QRICH2: variants seen among roughly 807,000 people sequenced by gnomAD.
The protein encoded by QRICH2 is glutamine-rich protein 2.
A neutral mutation model predicts 168.3 loss-of-function variants in QRICH2; 119 were observed. The observed-to-expected ratio is 0.71, with a 90% confidence interval of 0.61 to 0.82. The LOEUF is 0.82. Among genes scored for constraint, QRICH2 ranks in the 40% least tolerant of loss-of-function variants. The pLI is 0.00. For synonymous variants in QRICH2, 894 were observed against 951.2 expected (o/e 0.94, Z 1.11); for missense variants, 2,241 against 2,491.6 (o/e 0.90, Z 2.14).
upstream of QRICH2, chr17:76,308,350 G>A: frequency 4.1e-6 from 4 of 985,436 alleles, no homozygotes; most frequent in Non-Finnish European, 4.8e-6. Flanking sequence ...CGGGGGCGGG[G>A]GGAAGTAAAG....
At chr17:76,277,416 T>C in intron 15 of QRICH2, 106 bp from the exon 16 acceptor site, 1 of 1,357,582 alleles carries the variant, frequency 7.4e-7, no homozygotes, top group Non-Finnish European at 1.0e-6. Context: ...CAGCTTCTCT[T>C]CGGGGGCTGC....
At chr17:76,304,038 A>C (rs1412992205) in intron 3 of QRICH2, among the ~76,000 whole-genome samples, 1 of 152,186 alleles carries the variant, frequency 6.6e-6, no homozygotes, top group Non-Finnish European at 1.5e-5. Context: ...AACTACACTC[A>C]GGTACGATTT....
upstream of QRICH2, among the ~76,000 whole-genome samples, chr17:76,308,780 C>G (rs986449488): frequency 6.6e-6 from 1 of 152,022 alleles, no homozygotes; most frequent in Non-Finnish European, 1.5e-5. Flanking sequence ...GAGTCTTGCT[C>G]TGTCGCCCAG....
Position 76,280,082 on chromosome 17 carries a change from T to G in QRICH2, c.4699A>C (p.Arg1567=). The change falls in exon 12 of 19, where the codon AGG becomes CGG. Residue 1567 remains arginine (R), a synonymous_variant. Transcript: ENST00000680821. This position sits in a 1 kb window ranked among gnomAD's most constrained non-coding sequence, Gnocchi z 7.4. ...GCCTGGTAGAGTGGGGGGCGCTCCC[T>G]GAGCTGCTGTCGCAGCGATTTCCAC... ...DRWKSLRQQL[R]ERPPLYQADE... is the part of the protein sequence containing the mutation. 6.2e-7 allele frequency: 1 copy of G among 1,613,662 alleles called. No homozygotes were observed. The highest frequency in any genetic ancestry group is 8.5e-7 in the Non-Finnish European group (1 of 1,179,988).
intron 6 of QRICH2, 86 bp from the exon 7 acceptor site, chr17:76,287,392 C>T (rs994715834): frequency 8.7e-6 from 8 of 924,422 alleles, no homozygotes; most frequent in African/African-American, 4.9e-5. Context: ...CAGGGGGATG[C>T]AGACACAGCT....
chr17:76,279,330 G>A (rs558938026), intron 13 of QRICH2, 33 bp downstream of exon 13: 2 of 1,587,570 alleles, frequency 1.3e-6, no homozygotes, highest in South Asian at 2.2e-5. Context: ...GCCCTGCCAT[G>A]CGAGGCCACG....
intron 7 of QRICH2, among the ~76,000 whole-genome samples, chr17:76,284,595 G>A (rs1169253258): frequency 6.6e-6 from 1 of 151,730 alleles, no homozygotes; most frequent in Admixed American, 6.6e-5. Flanking sequence ...GAGGCGGGTG[G>A]ATCACGAGGT....
chr17:76,309,227 G>C (rs117711052), upstream of QRICH2, among the ~76,000 whole-genome samples: 3,711 of 150,200 alleles, frequency 0.025, 73 homozygotes, highest in East Asian at 0.06. Context: ...ATGGTACCGC[G>C]CATCTGTAAT....
Position 76,292,662 on chromosome 17 carries a change from C to G in QRICH2, c.2065G>C (p.Gly689Arg), listed in dbSNP as rs2071030594. 4 of 1,614,116 alleles carry G rather than the reference C, an allele frequency of 2.5e-6. No homozygotes were observed. The highest frequency in any genetic ancestry group is 3.4e-6 in the Non-Finnish European group (4 of 1,180,026). The change falls in exon 4 of 19, where the codon GGC (glycine) becomes CGC (arginine). Residue 689 changes from glycine to arginine, a missense_variant. By Grantham distance (125) the Gly-to-Arg change is moderately radical. Transcript: ENST00000680821. ...ALVQPGAYQPGLVQPGADQID... is the reference protein window; with the variant it reads ...ALVQPGAYQPRLVQPGADQID... ...TGATCTGCACCAGGTTGGACCAAGC[C>G]AGGCTGATATGCACCAGGCTGCACC...
At chr17:76,289,967 A>G (rs767340962) in intron 5 of QRICH2, 25 bp downstream of exon 5, 18 of 1,509,982 alleles carry the variant, frequency 1.2e-5, no homozygotes, top group Middle Eastern at 1.8e-4. Flanking sequence ...AAAAAAAAAG[A>G]CAAAGTGGGT....
Position 76,280,651 on chromosome 17 carries a change from C to T in QRICH2, c.4461+3G>A. On this transcript the variant is annotated splice_donor_region_variant and intron_variant, in intron 10 of 18. Coordinates refer to ENST00000680821, the MANE Select transcript of QRICH2 (RefSeq NM_001388453.1). The surrounding 1 kb of genome is among the most constrained non-coding windows in gnomAD (Gnocchi z 7.4). ...AGCGTGGCTCCTGGGGCCTGGCACC[C>T]ACCACATCGATCTCCATCTCCAGGT... 1 of 1,614,146 alleles carries T rather than the reference C, an allele frequency of 6.2e-7. No homozygotes were observed. The highest frequency in any genetic ancestry group is 8.5e-7 in the Non-Finnish European group (1 of 1,180,002).
Position 76,275,912 on chromosome 17 carries a change from T to TG in QRICH2, c.5388dup (p.Arg1797GlnfsTer40). 1 of 1,608,854 alleles carries TG rather than the reference T, an allele frequency of 6.2e-7. No individual in the cohort carries two copies. Among genetic ancestry groups the TG allele is most frequent in the Non-Finnish European group, 8.5e-7 (1 of 1,179,912 alleles). ...GATGGCGGCCTGTGCACGTGGGGCC[T>TG]GGGCTGCTGGGACTTGCGCTTTGAG... On this transcript the variant is annotated frameshift_variant, in exon 18 of 19. Coordinates refer to ENST00000680821, the MANE Select transcript of QRICH2 (RefSeq NM_001388453.1). LOFTEE classifies it high-confidence loss of function.
chr17:76,305,628 C>T (rs943284112), intron 1 of QRICH2, among the ~76,000 whole-genome samples: 1 of 152,114 alleles, frequency 6.6e-6, no homozygotes, highest in Non-Finnish European at 1.5e-5. Flanking sequence ...TGCTCCAACC[C>T]ACTTGTGAAA....
chr17:76,309,708 T>A (rs1424643893), upstream of QRICH2: 1 of 152,220 alleles, frequency 6.6e-6, no homozygotes, highest in African/African-American at 2.4e-5. Context: ...CAGTAGGTAT[T>A]ACAAGTCATC....
chr17:76,292,470 G>T lies in QRICH2; in HGVS notation c.2257C>A (p.Pro753Thr), dbSNP rs1446869057. 5 of 1,538,044 alleles carry T rather than the reference G, an allele frequency of 3.3e-6. No homozygotes were observed. Among genetic ancestry groups the T allele is most frequent in the Non-Finnish European group, 4.4e-6 (5 of 1,136,962 alleles). ...AAACCACGCTGATCTGCACCAGGTG[G>T]GACCAAACCACGCTGATGATCTGCA... ...PRADHQRGLV[P>T]PGADQRGLVQ... Residue 753 changes from proline (P) to threonine (T), a missense_variant, in exon 4 of 19, where the codon CCA becomes ACA. Coordinates refer to ENST00000680821, the MANE Select transcript of QRICH2 (RefSeq NM_001388453.1).
chr17:76,278,109 G>A lies in QRICH2; in HGVS notation c.4997C>T (p.Ser1666Phe). The change falls in exon 15 of 19, where the codon TCC (serine) becomes TTC (phenylalanine). Residue 1666 changes from serine (S) to phenylalanine (F), a missense_variant. Coordinates refer to ENST00000680821, the MANE Select transcript of QRICH2 (RefSeq NM_001388453.1). ...QSVGRLRSMH[S>F]KMLMNIEKVQ... ...CTTCTCAATGTTCATCAGCATCTTG[G>A]AGTGCATGGAGCGCAGGCGCCCCAC... 1 of 1,613,634 alleles carries A rather than the reference G, an allele frequency of 6.2e-7. No homozygotes were observed. Among genetic ancestry groups the A allele is most frequent in the Non-Finnish European group, 8.5e-7 (1 of 1,180,044 alleles).
chr17:76,279,396 C>T lies in QRICH2; in HGVS notation c.4781G>A (p.Cys1594Tyr). 6.2e-7 allele frequency: 1 copy of T among 1,613,072 alleles called. No individual in the cohort carries two copies. The highest frequency in any genetic ancestry group is 8.5e-7 in the Non-Finnish European group (1 of 1,179,562). Residue 1594 changes from cysteine to tyrosine, a missense_variant, in exon 13 of 19, where the codon TGT becomes TAT. By Grantham distance (194) the Cys-to-Tyr change is radical. This residue lies in a region of QRICH2 where 2,047 missense variants were observed against 2,303.8 expected (regional missense o/e 0.89). Transcript: ENST00000680821. ...CACAGGTGTCTCCAAGGGCCGGTCA[C>T]ATGAGAGGCAGTGGAAATGTGCCAG... ...QLLAHFHCLS[C>Y]DRPLETPVTG...
intron 3 of QRICH2, among the ~76,000 whole-genome samples, chr17:76,302,751 G>A (rs2070926913): frequency 6.6e-6 from 1 of 152,126 alleles, no homozygotes; most frequent in Non-Finnish European, 1.5e-5. Context: ...TAAGATAACA[G>A]ATCTGTGTGG....
chr17:76,279,521 A>G (rs2070748584), intron 12 of QRICH2, 93 bp from the exon 13 acceptor site: 1 of 943,266 alleles, frequency 1.1e-6, no homozygotes, highest in Non-Finnish European at 1.7e-6. Flanking sequence ...AGCTCAGCCC[A>G]CCAGGGTGCA....
Sources: allele counts gnomAD v4.1 joint callset (sites outside exome capture counted in the v4.1 genomes callset), GRCh38; gene constraint gnomAD v4.1.1; regional missense constraint gnomAD v4.1.1; non-coding constraint Gnocchi (gnomAD v3.1); transcripts MANE v1.5; gene names NCBI Gene and HGNC (gene_info 2026-07-23, HGNC 2026-07-21).